Variants in PRH1 observed in about 807,000 individuals in gnomAD.
PRH1 encodes salivary acidic proline-rich phosphoprotein 1/2.
PRH1 carries 7 observed loss-of-function variants against 7.9 expected under a neutral mutation model. The ratio of observed to expected loss-of-function variants is 0.89; its 90% CI spans 0.50 to 1.67. The LOEUF (loss-of-function observed/expected upper bound fraction) is 1.67, where lower values mean the gene tolerates loss of function less well. Ranked by LOEUF, PRH1 falls within the 40% of genes most tolerant of loss-of-function variation. The pLI is 0.00. For missense variants in PRH1, 109 were observed against 223.6 expected (o/e 0.49, Z 3.27); for synonymous variants, 45 against 80.8 (o/e 0.56, Z 2.38).
intron 2 of PRH1, among the ~76,000 whole-genome samples, chr12:10,954,424 A>T (rs1490200022): frequency 1.3e-5 from 2 of 152,186 alleles, no homozygotes; most frequent in Non-Finnish European, 2.9e-5. Context: ...AAATCTACCA[A>T]GCAAATGGAA....
At chr12:11,168,280 G>GA (rs1555178294) in intron 1 of PRH1, among the ~76,000 whole-genome samples, 3 of 31,340 alleles carry the variant, frequency 9.6e-5, no homozygotes, top group Non-Finnish European at 1.5e-4. Flanking sequence ...AAGAAAGAAA[G>GA]AAAGAAAGAA....
rs189051543 is a variant in PRH1 at position 11,077,926 on chromosome 12, T to G, written n.124-30738A>C. ...GGAGAAATTGGCAATCTTGAGCAAA[T>G]AAAATATGCTGAGGCTAGCAGCAAG... is the stretch of plus-strand genomic sequence containing the variant. On this transcript the variant is annotated intron_variant and non_coding_transcript_variant, in intron 1 of 4. Coordinates refer to the PRH1 transcript ENST00000541977. The G allele has an allele frequency of 3.1e-4, 302 of 966,252 alleles. 9 individuals are homozygous for G. The East Asian group carries it at 7.0e-3, about 22-fold the overall frequency. 59.9% of individuals were successfully genotyped at this position (966,252 alleles called of 1,614,324 possible).
chr12:10,950,468 A>C (rs761282819), intron 2 of PRH1, among the ~76,000 whole-genome samples: 21 of 151,912 alleles, frequency 1.4e-4, no homozygotes, highest in Non-Finnish European at 2.2e-4. Context: ...TTTGAAATGT[A>C]ACTGTAGTTT....
rs139797552 is a variant in PRH1 at position 10,964,035 on chromosome 12, C to A, written c.-59+9620G>T. Among the ~76,000 whole-genome samples, 714 of 152,212 alleles carry A rather than the reference C, an allele frequency of 4.7e-3. 5 individuals carry two copies. The highest frequency in any genetic ancestry group is 0.017 in the African/African-American group (688 of 41,528). ...TGGTACAAATAACAGTGGAAAAGAGCAATGATTTTGTGAAATAAGCTGTAA... is the reference window on the plus strand; with the variant it reads ...TGGTACAAATAACAGTGGAAAAGAGAAATGATTTTGTGAAATAAGCTGTAA... On this transcript the variant is annotated intron_variant, in intron 2 of 3. Coordinates refer to the PRH1 transcript ENST00000539853.
chr12:11,170,308 A>G (rs947501956), intron 1 of PRH1, among the ~76,000 whole-genome samples: 1 of 152,214 alleles, frequency 6.6e-6, no homozygotes, highest in African/African-American at 2.4e-5. Context: ...GCACTTTGGG[A>G]GGCTGAGGCG....
chr12:10,914,943 A>C (rs2135836076), intron 2 of PRH1, among the ~76,000 whole-genome samples: 1 of 152,278 alleles, frequency 6.6e-6, no homozygotes, highest in Non-Finnish European at 1.5e-5. Context: ...CCTGGCTAAC[A>C]CGGTGAAACC....
intron 1 of PRH1, among the ~76,000 whole-genome samples, chr12:11,036,307 A>C (rs1180278521): frequency 6.6e-6 from 1 of 152,244 alleles, no homozygotes; most frequent in African/African-American, 2.4e-5. Flanking sequence ...ATCTGACATA[A>C]GTAGACTTTA....
At chr12:11,112,900 C>T (rs1945630513) in intron 1 of PRH1, among the ~76,000 whole-genome samples, 1 of 152,152 alleles carries the variant, frequency 6.6e-6, no homozygotes, top group Non-Finnish European at 1.5e-5. Flanking sequence ...TTTAGAAAAA[C>T]CCATCATCTC....
chr12:10,954,080 C>T (rs560580130), intron 2 of PRH1, among the ~76,000 whole-genome samples: 16 of 152,264 alleles, frequency 1.1e-4, no homozygotes, highest in African/African-American at 3.9e-4. Context: ...TTGATTACCA[C>T]CAGACCCACC....
At chr12:10,957,567 G>GGAA (rs1938033496) in intron 2 of PRH1, among the ~76,000 whole-genome samples, 1 of 152,060 alleles carries the variant, frequency 6.6e-6, no homozygotes, top group African/African-American at 2.4e-5. Context: ...ATTGAAAAGT[G>GGAA]GAACCTCATT....
At chr12:11,119,927 G>C (rs1226824804), downstream of PRH1, among the ~76,000 whole-genome samples, 3 of 152,152 alleles carry the variant, frequency 2.0e-5, no homozygotes, top group African/African-American at 7.2e-5. Context: ...CTGGCTATTT[G>C]TTTGGATTAC....
At position 11,133,679 on chromosome 12, in the gene PRH1, G is replaced by A. The variant is rs749984347; in HGVS notation, n.40-12499C>T. 18 of 1,614,126 alleles carry A rather than the reference G, an allele frequency of 1.1e-5. No individual in the cohort carries two copies. In the African/African-American group the frequency reaches 2.3e-4, roughly 20 times the overall value. On this transcript the variant is annotated intron_variant and non_coding_transcript_variant, in intron 1 of 1. Transcript: ENST00000541175. ...CAGCAGAAAAGATATCAGGGTCAGAGTGAGGGGTACAAAGTTTGCTAGCAT... is the reference window on the plus strand; with the variant it reads ...CAGCAGAAAAGATATCAGGGTCAGAATGAGGGGTACAAAGTTTGCTAGCAT...
At chr12:11,143,989 G>A (rs1946790964) in intron 1 of PRH1, among the ~76,000 whole-genome samples, 1 of 152,200 alleles carries the variant, frequency 6.6e-6, no homozygotes, top group African/African-American at 2.4e-5. Flanking sequence ...TTCCAGTTGA[G>A]GTGATGGAGG....
intron 2 of PRH1, chr12:10,964,376 C>T: frequency 4.5e-6 from 1 of 221,986 alleles, no homozygotes; most frequent in Non-Finnish European, 9.8e-6. Flanking sequence ...CAGACAACAT[C>T]AGTTTGTTTT....
chr12:10,997,574 C>CTAGT (rs1940344042), intron 1 of PRH1: 5 of 1,614,044 alleles, frequency 3.1e-6, no homozygotes, highest in Non-Finnish European at 3.4e-6. Flanking sequence ...TATGCTGAGG[C>CTAGT]TAGTAGCAAG....
At chr12:11,119,285 T>C (rs1387227753), downstream of PRH1, among the ~76,000 whole-genome samples, 1 of 146,494 alleles carries the variant, frequency 6.8e-6, no homozygotes, top group Non-Finnish European at 1.5e-5. Context: ...TAGTGGGGGC[T>C]AAAGGGAAGG....
At chr12:11,002,162 A>T (rs373680211) in intron 1 of PRH1, among the ~76,000 whole-genome samples, 1 of 152,164 alleles carries the variant, frequency 6.6e-6, no homozygotes, top group African/African-American at 2.4e-5. Flanking sequence ...TTTATTAGAC[A>T]TTATCCAAAT....
chr12:11,030,714 T>A, intron 1 of PRH1: 1 of 1,614,216 alleles, frequency 6.2e-7, no homozygotes, highest in South Asian at 1.1e-5. Flanking sequence ...AGCTGCATCT[T>A]CTTGAGATGT....
rs573281383 is a variant in PRH1 at position 10,945,800 on chromosome 12, G to A, written c.-59+27855C>T. Among the ~76,000 whole-genome samples the A allele has an allele frequency of 1.1e-4, 17 of 152,222 alleles. No individual in the cohort carries two copies. In the South Asian group the frequency reaches 1.5e-3, roughly 13 times the overall value. The stretch of plus-strand genomic sequence containing the variant: ...TCAGCTAAGACTGTAAAAGACAGCC[G>A]TCCCCAAAGCGGCCATTTCAGAGGC... On this transcript the variant is annotated intron_variant, in intron 2 of 3. Coordinates refer to the PRH1 transcript ENST00000539853.
Sources: gnomAD v4.1 joint callset for allele counts (sites outside exome capture counted in the v4.1 genomes callset) on GRCh38, gnomAD v4.1.1 for gene constraint, MANE v1.5 for transcripts, NCBI Gene and HGNC (gene_info 2026-07-23, HGNC 2026-07-21) for gene names.